Variants in KIAA0825 observed in about 807,000 individuals in gnomAD.
KIAA0825 encodes uncharacterized protein KIAA0825.
A neutral mutation model predicts 147.6 loss-of-function variants in KIAA0825; 119 were observed. That is an observed-to-expected ratio of 0.81 (90% confidence interval 0.69 to 0.94). The LOEUF is 0.94. Among genes scored for constraint, KIAA0825 ranks in the 40% least tolerant of loss-of-function variants. The pLI, the probability that KIAA0825 is intolerant of heterozygous loss-of-function variation, is 0.00. For missense variants in KIAA0825, 1,381 were observed against 1,472.7 expected (o/e 0.94, Z 1.02); for synonymous variants, 470 against 518.1 (o/e 0.91, Z 1.26).
intron 20 of KIAA0825, among the ~76,000 whole-genome samples, chr5:94,229,620 A>G (rs1263131693): frequency 1.3e-5 from 2 of 151,620 alleles, no homozygotes; most frequent in Non-Finnish European, 2.9e-5. Flanking sequence ...GACATCTCGA[A>G]TTGTTATCGT....
At chr5:94,480,983 A>G (rs1192262837) in intron 6 of KIAA0825, among the ~76,000 whole-genome samples, 4 of 152,126 alleles carry the variant, frequency 2.6e-5, no homozygotes, top group African/African-American at 9.7e-5. Flanking sequence ...CTGGAATTCA[A>G]AATGGTCAAT....
chr5:94,467,517 A>G (rs1760701549), intron 10 of KIAA0825, among the ~76,000 whole-genome samples: 1 of 152,184 alleles, frequency 6.6e-6, no homozygotes. Context: ...AACCATCCTA[A>G]AAGCTTAATT....
intron 20 of KIAA0825, among the ~76,000 whole-genome samples, chr5:94,160,979 C>T (rs1009650307): frequency 1.3e-5 from 2 of 152,122 alleles, no homozygotes; most frequent in Non-Finnish European, 2.9e-5. Flanking sequence ...TTCTCTTCTC[C>T]CTTGGAAAGC....
chr5:94,457,736 C>T (rs1031831496), intron 12 of KIAA0825, among the ~76,000 whole-genome samples: 1 of 152,180 alleles, frequency 6.6e-6, no homozygotes, highest in African/African-American at 2.4e-5. Flanking sequence ...GTGAGAACAA[C>T]TGATGAGCTA....
chr5:94,465,012 C>A lies in KIAA0825; in HGVS notation c.1920G>T (p.Trp640Cys). The stretch of plus-strand genomic sequence containing the variant: ...TGGTCCAGAGATCGTAATGAAGAGA[C>A]CAGCAGAAATAATGCCACATCTGGA... The part of the protein sequence containing the change: ...FSIQMWHYFC[W>C]SLHYDLWTIL... Residue 640 changes from tryptophan to cysteine, a missense_variant, in exon 11 of 21, where the codon TGG becomes TGT. Coordinates refer to ENST00000682413, the MANE Select transcript of KIAA0825 (RefSeq NM_001145678.3). 1 of 1,551,592 alleles carries A rather than the reference C, an allele frequency of 6.4e-7. No individual in the cohort carries two copies. The highest frequency in any genetic ancestry group is 8.7e-7 in the Non-Finnish European group (1 of 1,146,924).
chr5:94,419,352 C>A (rs1457632859), intron 14 of KIAA0825, among the ~76,000 whole-genome samples: 1 of 152,172 alleles, frequency 6.6e-6, no homozygotes, highest in African/African-American at 2.4e-5. Context: ...TCTGCTCCCT[C>A]CAATTCATCT....
chr5:94,443,556 C>T lies in KIAA0825; in HGVS notation c.2358-3435G>A, dbSNP rs145879875. 4.4e-3 allele frequency among the ~76,000 whole-genome samples: 662 copies of T among 152,014 alleles called. 3 individuals carry two copies. Among genetic ancestry groups the T allele is most frequent in the Non-Finnish European group, 7.6e-3 (515 of 67,976 alleles). On this transcript the variant is annotated intron_variant, in intron 13 of 20. Transcript: ENST00000682413. ...GCTGTATTTCTGGGGCACAAATTTG[C>T]CTAAAGAATTTTTAAATTCCAGGTA...
chr5:94,512,536 A>G (rs1050374474), intron 5 of KIAA0825, among the ~76,000 whole-genome samples: 1 of 151,328 alleles, frequency 6.6e-6, no homozygotes, highest in Non-Finnish European at 1.5e-5. Context: ...CCAAGGCAAG[A>G]GGATTGCTTG....
intron 6 of KIAA0825, among the ~76,000 whole-genome samples, chr5:94,480,995 T>C (rs1054139797): frequency 6.6e-6 from 1 of 152,152 alleles, no homozygotes; most frequent in South Asian, 2.1e-4. Flanking sequence ...ATGGTCAATG[T>C]TGAAATTTGG....
intron 20 of KIAA0825, among the ~76,000 whole-genome samples, chr5:94,366,193 C>T (rs186855177): frequency 4.4e-4 from 67 of 152,312 alleles, no homozygotes; most frequent in African/African-American, 1.4e-3. Context: ...CCCACACAGC[C>T]GGCTCTGTGT....
chr5:94,608,816 T>G (rs1243899706), intron 1 of KIAA0825, among the ~76,000 whole-genome samples: 2 of 151,922 alleles, frequency 1.3e-5, no homozygotes, highest in Non-Finnish European at 2.9e-5. Context: ...ATGGACAGTT[T>G]TCCAATACTA....
chr5:94,434,551 G>A (rs886812427), intron 14 of KIAA0825, among the ~76,000 whole-genome samples: 3 of 152,114 alleles, frequency 2.0e-5, no homozygotes, highest in Admixed American at 6.5e-5. Flanking sequence ...TATAGTACAT[G>A]GTTATTGTCT....
intron 20 of KIAA0825, among the ~76,000 whole-genome samples, chr5:94,293,957 T>G (rs569127863): frequency 6.6e-6 from 1 of 151,300 alleles, no homozygotes; most frequent in Non-Finnish European, 1.5e-5. Context: ...TTTGTTTTTG[T>G]TTTTTTTGCT....
intron 20 of KIAA0825, among the ~76,000 whole-genome samples, chr5:94,318,678 A>T (rs1779879951): frequency 6.6e-6 from 1 of 151,918 alleles, no homozygotes; most frequent in Non-Finnish European, 1.5e-5. Context: ...GACTCAACAG[A>T]TCAGGAAGAG....
rs1766794209 is a variant in KIAA0825 at position 94,153,949 on chromosome 5, TC to T, written c.*57del. 8.3e-7 allele frequency: 1 copy of T among 1,209,236 alleles called. No homozygotes were observed. The highest frequency in any genetic ancestry group is 1.5e-5 in the African/African-American group (1 of 66,182). The allele number at this position is 1,209,236 out of a possible 1,614,324, so 74.9% of individuals were successfully genotyped here. On this transcript the variant is annotated 3_prime_UTR_variant, in exon 21 of 21. Coordinates refer to ENST00000682413, the MANE Select transcript of KIAA0825 (RefSeq NM_001145678.3). ...GGTTCATTCTGACTATGGTAAAAAATCCTACTCCATTACATGGGATTGTTTC... is the reference window on the plus strand; with the variant it reads ...GGTTCATTCTGACTATGGTAAAAAATCTACTCCATTACATGGGATTGTTTC...
intron 14 of KIAA0825, among the ~76,000 whole-genome samples, chr5:94,431,608 A>G (rs1332218148): frequency 2.0e-5 from 3 of 152,246 alleles, no homozygotes; most frequent in East Asian, 3.8e-4. Context: ...CATTTATGCT[A>G]AAAGGTGACT....
intron 2 of KIAA0825, among the ~76,000 whole-genome samples, chr5:94,538,170 G>A (rs1182689153): frequency 6.6e-6 from 1 of 152,158 alleles, no homozygotes; most frequent in African/African-American, 2.4e-5. Context: ...CACATAAACA[G>A]ATATATTTAA....
intron 20 of KIAA0825, among the ~76,000 whole-genome samples, chr5:94,368,718 A>G (rs759611797): frequency 6.6e-6 from 1 of 152,260 alleles, no homozygotes; most frequent in Non-Finnish European, 1.5e-5. Context: ...GATGGGAAAT[A>G]GAAACTTGGC....
At chr5:94,189,268 A>T (rs1219505022) in intron 20 of KIAA0825, among the ~76,000 whole-genome samples, 1 of 152,138 alleles carries the variant, frequency 6.6e-6, no homozygotes, top group Non-Finnish European at 1.5e-5. Flanking sequence ...TTTAATCTTA[A>T]TGAGAGTCCA....
Sources: allele counts gnomAD v4.1 joint callset (sites outside exome capture counted in the v4.1 genomes callset), GRCh38; gene constraint gnomAD v4.1.1; transcripts MANE v1.5; gene names NCBI Gene and HGNC (gene_info 2026-07-23, HGNC 2026-07-21).